NFATC2: variants seen among roughly 807,000 people sequenced by gnomAD.
The protein encoded by NFATC2 is nuclear factor of activated T-cells, cytoplasmic 2.
Under a neutral mutation model 87.3 loss-of-function variants are expected in NFATC2, and 22 were observed. The ratio of observed to expected loss-of-function variants is 0.25; its 90% confidence interval spans 0.18 to 0.36. NFATC2 has a LOEUF of 0.36. NFATC2 is among the 10% of genes least tolerant of loss of function. NFATC2 has a pLI of 1.00. For synonymous variants in NFATC2, 565 were observed against 542.2 expected, an observed-to-expected ratio of 1.04 and a Z score of -0.58; for missense variants, 1,149 against 1,259.1, an observed-to-expected ratio of 0.91 and a Z score of 1.32.
chr20:51,466,273 G>A (rs1053211680), intron 5 of NFATC2, among the ~76,000 whole-genome samples: 6 of 152,018 alleles, frequency 3.9e-5, no homozygotes, highest in Non-Finnish European at 7.4e-5. Context: ...GGCTGGTCTC[G>A]AACTCCTGAC....
chr20:51,505,578 C>A (rs889445609), intron 3 of NFATC2, among the ~76,000 whole-genome samples: 2 of 151,952 alleles, frequency 1.3e-5, no homozygotes, highest in Non-Finnish European at 2.9e-5. Context: ...TCAGAATAGG[C>A]CCCCGCTAAG....
chr20:51,462,520 T>C (rs1987266746), intron 5 of NFATC2, among the ~76,000 whole-genome samples: 2 of 152,270 alleles, frequency 1.3e-5, no homozygotes, highest in South Asian at 4.1e-4. Flanking sequence ...CATATACACA[T>C]TTTTAAAAAT....
In NFATC2 at chr20:51,475,495, C is replaced by T. The variant is rs755769042; in HGVS notation, c.1498G>A (p.Glu500Lys). 1 of 1,614,018 alleles carries T rather than the reference C, an allele frequency of 6.2e-7. No homozygotes were observed. The highest frequency in any genetic ancestry group is 8.5e-7 in the Non-Finnish European group (1 of 1,180,022). Residue 500 changes from glutamate to lysine, a missense_variant, in exon 4 of 11, where the codon GAG (glutamate) becomes AAG (lysine). Physicochemically the swap from Glu to Lys is moderately conservative, Grantham distance 56. This residue lies in a region of NFATC2 where 581 missense variants were observed against 649.7 expected (regional missense o/e 0.89). Coordinates refer to ENST00000371564, the MANE Select transcript of NFATC2 (RefSeq NM_012340.5). Reference sequence around the variant, plus strand: ...TTGTTTTTGGGCTCCAAGGGTATCTCCAGGACTTTGGTGTTGCCCACTATC... The same window carrying T: ...TTGTTTTTGGGCTCCAAGGGTATCTTCAGGACTTTGGTGTTGCCCACTATC... ...EKIVGNTKVL[E>K]IPLEPKNNMR...
intron 3 of NFATC2, among the ~76,000 whole-genome samples, chr20:51,477,576 T>TATAA (rs1555803321): frequency 0.014 from 1,041 of 73,384 alleles, 6 homozygotes; most frequent in African/African-American, 0.021. Context: ...TATATATATA[T>TATAA]ATATAAAATA....
chr20:51,484,504 A>G (rs1311250924), intron 3 of NFATC2, among the ~76,000 whole-genome samples: 2 of 152,186 alleles, frequency 1.3e-5, no homozygotes, highest in Non-Finnish European at 2.9e-5. Context: ...TGCAGCCTCA[A>G]TGCCTAGAGC....
chr20:51,455,628 G>A (rs988170952), intron 5 of NFATC2, among the ~76,000 whole-genome samples: 3 of 140,264 alleles, frequency 2.1e-5, no homozygotes, highest in Non-Finnish European at 4.6e-5. Flanking sequence ...TATAAGCCCA[G>A]GAAGGAGGGG....
At chr20:51,394,440 T>G (rs1411461733) in intron 10 of NFATC2, among the ~76,000 whole-genome samples, 1 of 152,068 alleles carries the variant, frequency 6.6e-6, no homozygotes, top group East Asian at 1.9e-4. Context: ...CTCCTCTGGG[T>G]AGCATCATGT....
At chr20:51,531,496 GA>G (rs1283012052) in intron 1 of NFATC2, among the ~76,000 whole-genome samples, 2 of 152,212 alleles carry the variant, frequency 1.3e-5, no homozygotes, top group Non-Finnish European at 2.9e-5. Context: ...GATTGCTGGG[GA>G]GGCCAGTTCA....
chr20:51,398,661 G>C lies in NFATC2; in HGVS notation c.*26C>G. ...CGATTACCTTTAACTTTGATTTCTC[G>C]GATCAAAGATCACAGTCATTCTGTT... On this transcript the variant is annotated 3_prime_UTR_variant, in exon 10 of 11. Transcript: ENST00000371564. 6.2e-7 allele frequency: 1 copy of C among 1,607,660 alleles called. No homozygotes were observed.
In NFATC2 at chr20:51,493,473, A is replaced by G. The variant is rs372034375; in HGVS notation, c.1333-17813T>C. 6.7e-4 allele frequency among the ~76,000 whole-genome samples: 102 copies of G among 152,204 alleles called. 1 individual carries two copies. Among genetic ancestry groups the G allele is most frequent in the South Asian group, 4.2e-3 (20 of 4,818 alleles). On this transcript the variant is annotated intron_variant, in intron 3 of 10. Transcript: ENST00000371564. Reference sequence around the variant, plus strand: ...GAGAAATGATTTTGATCTTCTAGGCACCTCCCATTTACAGAGGGAATGTCC... The same window carrying G: ...GAGAAATGATTTTGATCTTCTAGGCGCCTCCCATTTACAGAGGGAATGTCC...
chr20:51,553,769 C>T (rs971924067), intron 1 of NFATC2, among the ~76,000 whole-genome samples: 6 of 151,978 alleles, frequency 3.9e-5, no homozygotes, highest in African/African-American at 1.2e-4. Context: ...GGAGATGCCG[C>T]CATCCCTCTG....
chr20:51,398,566 TAC>T lies in NFATC2; in HGVS notation c.*44+75_*44+76del. The T allele has an allele frequency of 9.8e-6, 9 of 914,488 alleles. No individual in the cohort carries two copies. In the East Asian group the frequency reaches 1.5e-4, roughly 15 times the overall value. The allele number at this position is 914,488 out of a possible 1,614,324, so 56.6% of individuals were successfully genotyped here. A position where few individuals can be genotyped will look rare whatever the true frequency, so the allele number is the denominator to read the frequency against. Reference sequence around the variant, plus strand: ...CAGCCTGTCAAGTTTTCTTATACTTTACTTAAAAAAAAAAAAATTCAAGTTAA... The same window carrying T: ...CAGCCTGTCAAGTTTTCTTATACTTTTTAAAAAAAAAAAAATTCAAGTTAA... On this transcript the variant is annotated intron_variant, in intron 10 of 10. Transcript: ENST00000371564.
At chr20:51,527,847 T>C (rs764106092) in intron 1 of NFATC2, among the ~76,000 whole-genome samples, 3 of 152,026 alleles carry the variant, frequency 2.0e-5, no homozygotes, top group Non-Finnish European at 4.4e-5. Context: ...ACACCTGGAA[T>C]CCCAACCGTT....
At chr20:51,469,814 C>T (rs187029893) in intron 5 of NFATC2, among the ~76,000 whole-genome samples, 11 of 152,306 alleles carry the variant, frequency 7.2e-5, no homozygotes, top group African/African-American at 2.4e-4. Context: ...GGCGGTTTCT[C>T]CCCTGAGTCT....
chr20:51,454,996 T>C (rs953462655), intron 5 of NFATC2, among the ~76,000 whole-genome samples: 4 of 152,170 alleles, frequency 2.6e-5, no homozygotes, highest in Admixed American at 2.6e-4. Flanking sequence ...GGAGAACAGG[T>C]ACATGAGAAT....
intron 5 of NFATC2, among the ~76,000 whole-genome samples, chr20:51,458,750 G>A (rs1167012165): frequency 6.6e-6 from 1 of 152,072 alleles, no homozygotes; most frequent in Non-Finnish European, 1.5e-5. Flanking sequence ...GGAGGCGGAG[G>A]TTACAGTGAG....
At chr20:51,456,390 G>A (rs1056942889) in intron 5 of NFATC2, among the ~76,000 whole-genome samples, 2 of 152,124 alleles carry the variant, frequency 1.3e-5, no homozygotes, top group Non-Finnish European at 2.9e-5. Flanking sequence ...TAAAGTCACC[G>A]CTTGGCCAAG....
intron 1 of NFATC2, among the ~76,000 whole-genome samples, chr20:51,561,318 T>A (rs1601027776): frequency 1.2e-5 from 1 of 83,400 alleles, no homozygotes. Flanking sequence ...TTGGCTTCAA[T>A]CTAGTTAAAA....
intron 10 of NFATC2, among the ~76,000 whole-genome samples, chr20:51,391,943 T>C (rs1986403989): frequency 6.6e-6 from 1 of 152,214 alleles, no homozygotes; most frequent in African/African-American, 2.4e-5. Context: ...GATCTGTTAG[T>C]GAAAATTGCT....
Sources: gnomAD v4.1 joint callset for allele counts (sites outside exome capture counted in the v4.1 genomes callset) on GRCh38, gnomAD v4.1.1 for gene constraint, gnomAD v4.1.1 regional missense constraint, MANE v1.5 for transcripts, NCBI Gene and HGNC (gene_info 2026-07-23, HGNC 2026-07-21) for gene names.